The following CRADD variants were observed in gnomAD, a reference collection of about 807,000 sequenced individuals.
CRADD encodes the protein death domain-containing protein CRADD.
CRADD carries 9 observed loss-of-function variants against 15.5 expected under a neutral mutation model. The ratio of observed to expected loss-of-function variants is 0.58; its 90% confidence interval spans 0.35 to 1.01. The LOEUF (loss-of-function observed/expected upper bound fraction) is 1.01, where lower values mean the gene tolerates loss of function less well. Among genes scored for constraint, CRADD ranks in the 50% least tolerant of loss-of-function variants. The pLI, the probability that CRADD is intolerant of heterozygous loss-of-function variation, is 0.02. For missense variants in CRADD, 227 were observed against 250.3 expected (o/e 0.91, Z 0.63); for synonymous variants, 118 against 107.6 (o/e 1.10, Z -0.60).
At chr12:93,706,606 A>G (rs1955956977) in intron 2 of CRADD, among the ~76,000 whole-genome samples, 1 of 152,166 alleles carries the variant, frequency 6.6e-6, no homozygotes, top group Non-Finnish European at 1.5e-5. Flanking sequence ...CTGAAGTGAT[A>G]GCTGTTGGGA....
rs530921114 is a variant in CRADD at position 93,688,835 on chromosome 12, T to C, written c.298+9763T>C. Among the ~76,000 whole-genome samples the C allele has an allele frequency of 5.9e-5, 9 of 152,332 alleles. 1 individual carries two copies. In the East Asian group the frequency reaches 1.3e-3, roughly 23 times the overall value. ...AGTTTTCTCCTCTTCCTAATTCTGA[T>C]AACCTGTGGCTGCTCCAGAGCCCAT... On this transcript the variant is annotated intron_variant, in intron 2 of 2. Coordinates refer to ENST00000332896, the MANE Select transcript of CRADD (RefSeq NM_003805.5).
rs569285903 is a variant in CRADD, at chr12:93,717,810, C to T, written c.298+38738C>T. On this transcript the variant is annotated intron_variant, in intron 2 of 2. Coordinates refer to ENST00000332896, the MANE Select transcript of CRADD (RefSeq NM_003805.5). Reference sequence around the variant, plus strand: ...TGTTAGGATTACAGGTATGAGCCGCCGCACCCTTCCTGTGATCTATTTTGA... The same window carrying T: ...TGTTAGGATTACAGGTATGAGCCGCTGCACCCTTCCTGTGATCTATTTTGA... Among the ~76,000 whole-genome samples the T allele has an allele frequency of 9.9e-5, 15 of 152,222 alleles. No homozygotes were observed. In the South Asian group the frequency reaches 2.3e-3, roughly 23 times the overall value.
At chr12:93,873,126 C>T (rs1489845013) in intron 2 of CRADD, among the ~76,000 whole-genome samples, 2 of 151,852 alleles carry the variant, frequency 1.3e-5, no homozygotes, top group African/African-American at 2.4e-5. Context: ...TCTTTTGCTT[C>T]TTTGGCTAAG....
intron 2 of CRADD, among the ~76,000 whole-genome samples, chr12:93,792,830 A>G (rs1215315397): frequency 6.6e-6 from 1 of 152,202 alleles, no homozygotes; most frequent in Non-Finnish European, 1.5e-5. Flanking sequence ...TCTAGATCCC[A>G]TTTAGGCTCT....
chr12:93,744,228 A>G (rs555971408), intron 2 of CRADD, among the ~76,000 whole-genome samples: 1 of 152,180 alleles, frequency 6.6e-6, no homozygotes, highest in South Asian at 2.1e-4. Context: ...TAGGCCTTCC[A>G]GGGGAGAATC....
At chr12:93,793,376 T>C (rs1188783196) in intron 2 of CRADD, among the ~76,000 whole-genome samples, 1 of 152,194 alleles carries the variant, frequency 6.6e-6, no homozygotes, top group Non-Finnish European at 1.5e-5. Flanking sequence ...ACTTCCTCTA[T>C]CCTTTATAAA....
intron 2 of CRADD, among the ~76,000 whole-genome samples, chr12:93,814,686 G>A (rs188978030): frequency 1.3e-5 from 2 of 152,096 alleles, no homozygotes; most frequent in South Asian, 2.1e-4. Flanking sequence ...CTCCAGCTTC[G>A]CCTGCCACCA....
At chr12:93,756,739 A>G (rs1040470924) in intron 2 of CRADD, among the ~76,000 whole-genome samples, 1 of 152,244 alleles carries the variant, frequency 6.6e-6, no homozygotes, top group Non-Finnish European at 1.5e-5. Flanking sequence ...GGGTCCAGTG[A>G]TAAGAGCTTA....
At chr12:93,766,752 C>A (rs1366397067) in intron 2 of CRADD, among the ~76,000 whole-genome samples, 1 of 152,228 alleles carries the variant, frequency 6.6e-6, no homozygotes, top group Non-Finnish European at 1.5e-5. Flanking sequence ...CATCAACCAT[C>A]CTTTGCTGGA....
intron 2 of CRADD, among the ~76,000 whole-genome samples, chr12:93,742,158 C>T (rs1956679244): frequency 6.6e-6 from 1 of 152,194 alleles, no homozygotes; most frequent in African/African-American, 2.4e-5. Context: ...CAGCATCTGG[C>T]AGAGCAGGGT....
intron 2 of CRADD, among the ~76,000 whole-genome samples, chr12:93,768,044 T>C (rs962367795): frequency 2.0e-5 from 3 of 152,218 alleles, no homozygotes; most frequent in African/African-American, 7.2e-5. Context: ...GAACCAAAGT[T>C]GTGTGCTCAC....
At chr12:93,703,549 A>G (rs757790182) in intron 2 of CRADD, among the ~76,000 whole-genome samples, 21 of 151,622 alleles carry the variant, frequency 1.4e-4, no homozygotes, top group Non-Finnish European at 2.4e-4. Context: ...TTTTGTAGAG[A>G]CGAGGTTTTA....
intron 2 of CRADD, among the ~76,000 whole-genome samples, chr12:93,835,579 A>T (rs1227087117): frequency 6.6e-6 from 1 of 151,978 alleles, no homozygotes; most frequent in East Asian, 1.9e-4. Flanking sequence ...TTTCTGATGG[A>T]TTATATTTTT....
chr12:93,885,687 G>A (rs965019084), intron 2 of CRADD, among the ~76,000 whole-genome samples: 4 of 152,134 alleles, frequency 2.6e-5, no homozygotes, highest in African/African-American at 9.7e-5. Context: ...TGGGTATAAT[G>A]AAATTTGCCA....
intron 2 of CRADD, among the ~76,000 whole-genome samples, chr12:93,693,417 G>A (rs75337001): frequency 0.041 from 6,301 of 152,050 alleles, 413 homozygotes; most frequent in African/African-American, 0.14. Flanking sequence ...CCATGCAAAT[G>A]GAAACCAAAA....
At chr12:93,845,110 G>T (rs141078674) in intron 2 of CRADD, among the ~76,000 whole-genome samples, 1 of 152,134 alleles carries the variant, frequency 6.6e-6, no homozygotes, top group Admixed American at 6.5e-5. Flanking sequence ...GGCAGAGTGG[G>T]CCCTGGTCTA....
intron 2 of CRADD, among the ~76,000 whole-genome samples, chr12:93,813,456 T>C (rs1462949349): frequency 6.6e-6 from 1 of 152,248 alleles, no homozygotes; most frequent in Non-Finnish European, 1.5e-5. Context: ...AGAAACTTCC[T>C]CTGTCTTTCC....
At chr12:93,888,148 G>A (rs926015149) in intron 2 of CRADD, among the ~76,000 whole-genome samples, 11 of 152,282 alleles carry the variant, frequency 7.2e-5, no homozygotes, top group South Asian at 2.1e-4. Flanking sequence ...ATGGCAGGCC[G>A]GGCGCGGTGG....
chr12:93,891,305 G>A (rs1958574528), intron 2 of CRADD, among the ~76,000 whole-genome samples: 1 of 151,888 alleles, frequency 6.6e-6, no homozygotes, highest in Non-Finnish European at 1.5e-5. Flanking sequence ...CCTGGCCAAC[G>A]TGGCAACCCC....
Sources: allele counts gnomAD v4.1 joint callset (sites outside exome capture counted in the v4.1 genomes callset), GRCh38; gene constraint gnomAD v4.1.1; transcripts MANE v1.5; gene names NCBI Gene and HGNC (gene_info 2026-07-23, HGNC 2026-07-21).